Variants in CDH9 observed in about 807,000 individuals in gnomAD.
CDH9 encodes cadherin 9, also known as cadherin-9.
In CDH9, 28 loss-of-function variants were observed where a neutral mutation model predicts 70.9. That is an observed-to-expected ratio of 0.40 (90% CI 0.29 to 0.54). The LOEUF (loss-of-function observed/expected upper bound fraction) is 0.54, where lower values mean the gene tolerates loss of function less well. Ranked by LOEUF, CDH9 falls within the 20% of genes least tolerant of loss-of-function variation. The probability of loss-of-function intolerance (pLI) is 0.59; values close to 1 mark genes in which losing one functional copy is unlikely to be tolerated. For missense variants in CDH9, 874 were observed against 984.4 expected, an observed-to-expected ratio of 0.89 and a Z score of 1.50; for synonymous variants, 409 against 343.1, an observed-to-expected ratio of 1.19 and a Z score of -2.12.
intron 1 of CDH9, among the ~76,000 whole-genome samples, chr5:27,003,315 T>TA (rs1561036758): frequency 6.6e-6 from 1 of 152,126 alleles, no homozygotes; most frequent in African/African-American, 2.4e-5. Flanking sequence ...TAATTTCTCT[T>TA]AAAAATGAAT....
intron 2 of CDH9, among the ~76,000 whole-genome samples, chr5:26,919,463 G>A (rs1561195109): frequency 6.6e-6 from 1 of 152,132 alleles, no homozygotes; most frequent in African/African-American, 2.4e-5. Flanking sequence ...GGGTTCTGGG[G>A]CCTAAAATAA....
chr5:26,881,647 A>G, intron 11 of CDH9, 24 bp from the exon 12 acceptor site: 2 of 1,584,026 alleles, frequency 1.3e-6, no homozygotes, highest in East Asian at 2.2e-5. Context: ...ATGGGAAAAT[A>G]GTGAGATTTC....
intron 2 of CDH9, among the ~76,000 whole-genome samples, chr5:26,975,934 T>A (rs1250962434): frequency 6.6e-6 from 1 of 152,100 alleles, no homozygotes; most frequent in Non-Finnish European, 1.5e-5. Context: ...TGGTAAGAAA[T>A]TGGAAGGCAC....
At chr5:26,957,344 G>A (rs1336897191) in intron 2 of CDH9, among the ~76,000 whole-genome samples, 1 of 152,070 alleles carries the variant, frequency 6.6e-6, no homozygotes, top group Non-Finnish European at 1.5e-5. Flanking sequence ...ATCATAGGCT[G>A]TAAATAATAA....
chr5:26,990,617 C>T (rs772088296), intron 1 of CDH9, among the ~76,000 whole-genome samples: 1 of 152,040 alleles, frequency 6.6e-6, no homozygotes, highest in Non-Finnish European at 1.5e-5. Flanking sequence ...GAAAAATGTG[C>T]AATGGAAGAG....
intron 2 of CDH9, among the ~76,000 whole-genome samples, chr5:26,969,707 G>T: frequency 6.6e-6 from 1 of 152,074 alleles, no homozygotes; most frequent in South Asian, 2.1e-4. Context: ...TAGCTGTATA[G>T]TTTGATTGCA....
chr5:26,932,342 T>G (rs1741477301), intron 2 of CDH9, among the ~76,000 whole-genome samples: 1 of 151,908 alleles, frequency 6.6e-6, no homozygotes. Context: ...AAAAAAGACC[T>G]GAATATAATG....
intron 2 of CDH9, among the ~76,000 whole-genome samples, chr5:26,921,108 A>G (rs955157043): frequency 1.3e-5 from 2 of 152,156 alleles, no homozygotes; most frequent in African/African-American, 4.8e-5. Flanking sequence ...GAGTAGGCAG[A>G]TAGCTAGACA....
chr5:26,986,963 A>G (rs1202727693), intron 2 of CDH9, among the ~76,000 whole-genome samples: 1 of 152,070 alleles, frequency 6.6e-6, no homozygotes, highest in Non-Finnish European at 1.5e-5. Context: ...CTGATAAAGG[A>G]GGCTGCTTTT....
chr5:26,997,913 T>C (rs1476257635), intron 1 of CDH9, among the ~76,000 whole-genome samples: 1 of 152,186 alleles, frequency 6.6e-6, no homozygotes, highest in Non-Finnish European at 1.5e-5. Flanking sequence ...TTAGCCCGGA[T>C]GGTCTCGATC....
intron 2 of CDH9, among the ~76,000 whole-genome samples, chr5:26,924,132 C>G (rs1010241142): frequency 6.6e-6 from 1 of 151,388 alleles, no homozygotes; most frequent in East Asian, 1.9e-4. Flanking sequence ...AAAAGAGAAA[C>G]AAAATCAACA....
At chr5:26,980,761 G>T (rs1043005926) in intron 2 of CDH9, among the ~76,000 whole-genome samples, 1 of 151,916 alleles carries the variant, frequency 6.6e-6, no homozygotes, top group East Asian at 1.9e-4. Context: ...AGTCTATTGA[G>T]TCAGAAGAAA....
At position 26,899,048 on chromosome 5, in the gene CDH9, C is replaced by A. The variant is rs4728763; in HGVS notation, c.1253+3428G>T. On this transcript the variant is annotated intron_variant, in intron 7 of 11. Coordinates refer to ENST00000231021, the MANE Select transcript of CDH9 (RefSeq NM_016279.4). ...CACTTCTCAAAAGAAGACATTTATG[C>A]GGCCAACAAACATATGAAAAAAAGC... 8.5e-3 allele frequency among the ~76,000 whole-genome samples: 1,288 copies of A among 152,048 alleles called. 17 individuals carry two copies. The highest frequency in any genetic ancestry group is 0.03 in the African/African-American group (1,231 of 41,464).
chr5:26,931,804 C>T (rs542948524), intron 2 of CDH9, among the ~76,000 whole-genome samples: 3 of 152,156 alleles, frequency 2.0e-5, no homozygotes, highest in East Asian at 3.9e-4. Flanking sequence ...TCAACCCAGA[C>T]ATGGGTATTA....
rs1743274152 is a variant in CDH9 at position 27,029,417 on chromosome 5, A to T, written c.-50+9046T>A. On this transcript the variant is annotated intron_variant, in intron 1 of 11. Coordinates refer to ENST00000231021, the MANE Select transcript of CDH9 (RefSeq NM_016279.4). ...GAATGAATTTAATGCTATTAAATAG[A>T]GGTGGAATAAAGATCAGTTCCAAGC... is the stretch of plus-strand genomic sequence containing the variant. 2.6e-5 allele frequency among the ~76,000 whole-genome samples: 4 copies of T among 152,132 alleles called. No individual in the cohort carries two copies. In the South Asian group the frequency reaches 8.3e-4, roughly 31 times the overall value.
At chr5:26,883,085 ATATATATAT>A (rs1561181237) in intron 11 of CDH9, among the ~76,000 whole-genome samples, 20 of 133,220 alleles carry the variant, frequency 1.5e-4, no homozygotes, top group African/African-American at 4.4e-4. Context: ...ATATATATAT[ATATATATAT>A]AAAACTGCAG....
intron 2 of CDH9, among the ~76,000 whole-genome samples, chr5:26,919,462 G>T (rs1413161672): frequency 1.3e-5 from 2 of 152,074 alleles, no homozygotes; most frequent in Non-Finnish European, 2.9e-5. Context: ...AGGGTTCTGG[G>T]GCCTAAAATA....
In CDH9 at chr5:27,029,842, C is replaced by T. The variant is rs1452190154; in HGVS notation, c.-50+8621G>A. 3.9e-5 allele frequency among the ~76,000 whole-genome samples: 6 copies of T among 152,020 alleles called. No homozygotes were observed. The East Asian group carries it at 9.8e-4, about 25-fold the overall frequency. Reference sequence around the variant, plus strand: ...GTGGTGTTTTGAGAAGCATTGCTTCCTACACCTACAAATTATAAGATGGGC... The same window carrying T: ...GTGGTGTTTTGAGAAGCATTGCTTCTTACACCTACAAATTATAAGATGGGC... On this transcript the variant is annotated intron_variant, in intron 1 of 11. Transcript: ENST00000231021.
intron 7 of CDH9, among the ~76,000 whole-genome samples, chr5:26,892,438 T>C (rs1411790257): frequency 6.6e-6 from 1 of 152,204 alleles, no homozygotes; most frequent in Admixed American, 6.5e-5. Flanking sequence ...AGGTTTTATA[T>C]AGCAGTTTTA....
Sources: gnomAD v4.1 joint callset for allele counts (sites outside exome capture counted in the v4.1 genomes callset) on GRCh38, gnomAD v4.1.1 for gene constraint, MANE v1.5 for transcripts, NCBI Gene and HGNC (gene_info 2026-07-23, HGNC 2026-07-21) for gene names.